Variants in SLC29A1 observed in about 807,000 individuals in gnomAD.
SLC29A1 encodes solute carrier family 29 member 1 (Augustine blood group).
A neutral mutation model predicts 48.3 loss-of-function variants in SLC29A1; 22 were observed. The ratio of observed to expected loss-of-function variants is 0.46; its 90% CI spans 0.33 to 0.65. The LOEUF is 0.65. SLC29A1 is among the 30% of genes least tolerant of loss of function. The pLI, the probability that SLC29A1 is intolerant of heterozygous loss-of-function variation, is 0.03. For missense variants in SLC29A1, 491 were observed against 575.3 expected (o/e 0.85, Z 1.50); for synonymous variants, 228 against 231.0 (o/e 0.99, Z 0.12).
chr6:44,233,650 G>C lies in SLC29A1; in HGVS notation c.*122G>C, dbSNP rs1180332719. On this transcript the variant is annotated 3_prime_UTR_variant, in exon 13 of 13. Transcript: ENST00000371755. ...CTTCTAACTGACTTCTGCTTTCCAC[G>C]GCGTGTGCTGGGCCCGGATCTCCAG... The C allele has an allele frequency of 5.3e-6, 4 of 753,026 alleles. No individual in the cohort carries two copies. The East Asian group carries it at 1.0e-4, about 19-fold the overall frequency. The allele number at this position is 753,026 out of a possible 1,614,324, so 46.6% of individuals were successfully genotyped here.
chr6:44,233,054 G>A (rs1379605291), intron 12 of SLC29A1, 48 bp downstream of exon 12: 4 of 1,569,536 alleles, frequency 2.5e-6, no homozygotes, highest in Non-Finnish European at 3.5e-6. Flanking sequence ...AGGATCTAGA[G>A]TTCCAGTGGG....
rs146319252 is a variant in SLC29A1 at position 44,228,862 on chromosome 6, A to G, written c.30-528A>G. 4.6e-5 allele frequency among the ~76,000 whole-genome samples: 7 copies of G among 152,326 alleles called. No individual in the cohort carries two copies. In the East Asian group the frequency reaches 1.3e-3, roughly 29 times the overall value. On this transcript the variant is annotated intron_variant, in intron 2 of 12. Transcript: ENST00000371755. ...AAAATGGCTCTAAGGCCCTCTCTTC[A>G]CAGCGGCCCTGAGGCACCCTGCCCA... is the stretch of plus-strand genomic sequence containing the variant.
intron 1 of SLC29A1, 31 bp from the exon 2 acceptor site, chr6:44,227,232 C>T (rs141081944): frequency 1.9e-6 from 3 of 1,599,434 alleles, no homozygotes; most frequent in African/African-American, 1.3e-5. Context: ...AGGGCCAAGA[C>T]AGGGCCTCAC....
Position 44,229,316 on chromosome 6 carries a change from G to T in SLC29A1, c.30-74G>T, listed in dbSNP as rs1265268192. The T allele has an allele frequency of 8.5e-7, 1 of 1,178,348 alleles. No individual in the cohort carries two copies. Among genetic ancestry groups the T allele is most frequent in the Non-Finnish European group, 1.3e-6 (1 of 782,534 alleles). The allele number at this position is 1,178,348 out of a possible 1,614,324, so 73.0% of individuals were successfully genotyped here. A position where few individuals can be genotyped will look rare whatever the true frequency, so the allele number is the denominator to read the frequency against. On this transcript the variant is annotated intron_variant, in intron 2 of 12. Transcript: ENST00000371755. This position sits in a 1 kb window ranked among gnomAD's most constrained non-coding sequence, Gnocchi z 5.1. ...CCTAGAGAGACTGACAACGGACAGG[G>T]GCTTTCCTGGGGCTCATTGTGGAGT...
At chr6:44,225,175 A>G (rs1777216374) in intron 1 of SLC29A1, among the ~76,000 whole-genome samples, 1 of 152,136 alleles carries the variant, frequency 6.6e-6, no homozygotes. Context: ...GTATGAAGTA[A>G]GAACCTAGAG....
rs776675079 is a variant in SLC29A1, at chr6:44,223,598, G to C, written c.-95G>C. 8.2e-7 allele frequency: 1 copy of C among 1,215,226 alleles called. No individual in the cohort carries two copies. 75.3% of individuals were successfully genotyped at this position (1,215,226 alleles called of 1,614,324 possible). A position where few individuals can be genotyped will look rare whatever the true frequency, so the allele number is the denominator to read the frequency against. The stretch of plus-strand genomic sequence containing the variant: ...CCCGGCGGGAGAGGGAAGCTGCAGC[G>C]AGAGCGCGCGGATCTCAGCGCGGGA... On this transcript the variant is annotated 5_prime_UTR_variant, in exon 1 of 13. Coordinates refer to ENST00000371755, the MANE Select transcript of SLC29A1 (RefSeq NM_001372327.1). The surrounding 1 kb of genome is among the most constrained non-coding windows in gnomAD (Gnocchi z 5.0).
Position 44,232,931 on chromosome 6 carries a change from G to C in SLC29A1, c.1184G>C (p.Trp395Ser), listed in dbSNP as rs1377099348. 6.2e-7 allele frequency: 1 copy of C among 1,614,148 alleles called. No individual in the cohort carries two copies. The change falls in exon 12 of 13, where the codon TGG (tryptophan) becomes TCG (serine). Residue 395 changes from tryptophan (W) to serine (S), a missense_variant. Physicochemically the swap from Trp to Ser is radical, Grantham distance 177. Coordinates refer to ENST00000371755, the MANE Select transcript of SLC29A1 (RefSeq NM_001372327.1). The surrounding 1 kb of genome is among the most constrained non-coding windows in gnomAD (Gnocchi z 4.7). ...ACTGTGGTCTTCGAGCACGATGCCT[G>C]GTTCATCTTCTTCATGGCTGCCTTT... is the stretch of plus-strand genomic sequence containing the variant. ...YLTVVFEHDA[W>S]FIFFMAAFAF...
In SLC29A1 at chr6:44,232,229, G is replaced by A; in HGVS notation, c.974-114G>A. On this transcript the variant is annotated intron_variant, in intron 10 of 12. Transcript: ENST00000371755. The surrounding 1 kb of genome is among the most constrained non-coding windows in gnomAD (Gnocchi z 4.7). ...TCCTGGGTCCATTTGCCCTTCCCTG[G>A]GCTGGAAGCATCTTCTCCATTTTAC... The A allele has an allele frequency of 3.5e-6, 4 of 1,154,624 alleles. No homozygotes were observed. The East Asian group carries it at 9.4e-5, about 27-fold the overall frequency. 71.5% of individuals were successfully genotyped at this position (1,154,624 alleles called of 1,614,324 possible).
At chr6:44,225,906 C>T (rs80229094) in intron 1 of SLC29A1, 2 of 152,888 alleles carry the variant, frequency 1.3e-5, no homozygotes, top group African/African-American at 4.8e-5. Flanking sequence ...TCCCTGTTCT[C>T]TTATCTCCCG....
chr6:44,233,514 C>G lies in SLC29A1; in HGVS notation c.1357C>G (p.Arg453Gly). 6.2e-7 allele frequency: 1 copy of G among 1,613,622 alleles called. No homozygotes were observed. The change falls in exon 13 of 13, where the codon CGG (arginine) becomes GGG (glycine). Residue 453 changes from arginine to glycine, a missense_variant. Transcript: ENST00000371755. ...ALGAVFSFLF[R>G]AIV is the part of the protein sequence containing the mutation. ...GGGGGCTGTTTTCTCCTTCCTGTTC[C>G]GGGCAATTGTGTGACAAAGGATGGA...
intron 1 of SLC29A1, 70 bp from the exon 2 acceptor site, chr6:44,227,193 C>T: frequency 6.7e-7 from 1 of 1,492,906 alleles, no homozygotes; most frequent in Non-Finnish European, 9.2e-7. Flanking sequence ...TGCCCCCTCT[C>T]CCCCTAAGAG....
intron 1 of SLC29A1, chr6:44,225,744 C>T (rs990781272): frequency 4.6e-5 from 7 of 152,166 alleles, no homozygotes; most frequent in African/African-American, 1.4e-4. Context: ...TGAGGAGGAC[C>T]TCTGAGAGCT....
upstream of SLC29A1, chr6:44,221,761 G>GGGGTGT (rs1283960199): frequency 1.5e-6 from 1 of 663,252 alleles, no homozygotes; most frequent in African/African-American, 1.9e-5. The surrounding 1 kb of genome is among the most constrained non-coding windows in gnomAD (Gnocchi z 4.2). Flanking sequence ...TGGCTACAGA[G>GGGGTGT]GGGTGTGGGT....
upstream of SLC29A1, chr6:44,221,806 G>A (rs914503206): frequency 1.2e-4 from 45 of 388,626 alleles, no homozygotes; most frequent in Admixed American, 5.7e-4. The surrounding 1 kb of genome is among the most constrained non-coding windows in gnomAD (Gnocchi z 4.2). Context: ...GATGCCAGAC[G>A]GACTTCTCTC....
At chr6:44,228,470 G>T (rs1193535580) in intron 2 of SLC29A1, among the ~76,000 whole-genome samples, 1 of 152,212 alleles carries the variant, frequency 6.6e-6, no homozygotes. Flanking sequence ...TGCTCACCAC[G>T]CCATCCCTGT....
At chr6:44,225,507 C>CA (rs35204127) in intron 1 of SLC29A1, among the ~76,000 whole-genome samples, 2,587 of 102,770 alleles carry the variant, frequency 0.025, 78 homozygotes, top group African/African-American at 0.084. Flanking sequence ...AACTCCGTCT[C>CA]AAAAAAAAAA....
At position 44,232,944 on chromosome 6, in the gene SLC29A1, C is replaced by A; in HGVS notation, c.1197C>A (p.Phe399Leu). Residue 399 changes from phenylalanine (F) to leucine (L), a missense_variant, in exon 12 of 13, where the codon TTC (phenylalanine) becomes TTA (leucine). Transcript: ENST00000371755. This position sits in a 1 kb window ranked among gnomAD's most constrained non-coding sequence, Gnocchi z 4.7. ...VFEHDAWFIFFMAAFAFSNGY... is the reference protein window; with the variant it reads ...VFEHDAWFIFLMAAFAFSNGY... The stretch of plus-strand genomic sequence containing the variant: ...AGCACGATGCCTGGTTCATCTTCTT[C>A]ATGGCTGCCTTTGCCTTCTCCAACG... 1 of 1,614,160 alleles carries A rather than the reference C, an allele frequency of 6.2e-7. No homozygotes were observed. Among genetic ancestry groups the A allele is most frequent in the Non-Finnish European group, 8.5e-7 (1 of 1,180,054 alleles).
rs1778364538 is a variant in SLC29A1, at chr6:44,229,560, T to G, written c.112-29T>G. The G allele has an allele frequency of 1.2e-6, 2 of 1,612,536 alleles. No homozygotes were observed. The highest frequency in any genetic ancestry group is 1.7e-5 in the Admixed American group (1 of 59,982). ...TGCTGGTAGGCACAGGGAAAGAGAT[T>G]TCAACACTCCTCTCTGCAACCCCTG... On this transcript the variant is annotated intron_variant, in intron 3 of 12. Coordinates refer to ENST00000371755, the MANE Select transcript of SLC29A1 (RefSeq NM_001372327.1). The surrounding 1 kb of genome is among the most constrained non-coding windows in gnomAD (Gnocchi z 5.1).
intron 1 of SLC29A1, chr6:44,226,891 C>T (rs1183340297): frequency 4.7e-6 from 5 of 1,058,618 alleles, no homozygotes; most frequent in African/African-American, 3.3e-5. Context: ...CTCTCGTCCT[C>T]TTGCCTGCCT....
Sources: allele counts gnomAD v4.1 joint callset (sites outside exome capture counted in the v4.1 genomes callset), GRCh38; gene constraint gnomAD v4.1.1; non-coding constraint Gnocchi (gnomAD v3.1); transcripts MANE v1.5; gene names NCBI Gene and HGNC (gene_info 2026-07-23, HGNC 2026-07-21).